WNT2: variants seen among roughly 807,000 people sequenced by gnomAD.
WNT2 encodes the protein protein Wnt-2.
In WNT2, 12 loss-of-function variants were observed where a neutral mutation model predicts 36.9. That is an observed-to-expected ratio of 0.33 (90% CI 0.21 to 0.53). WNT2 has a LOEUF of 0.53. Among genes scored for constraint, WNT2 ranks in the 20% least tolerant of loss-of-function variants. The pLI is 0.95. For missense variants in WNT2, 379 were observed against 473.1 expected, an observed-to-expected ratio of 0.80 and a Z score of 1.84; for synonymous variants, 163 against 174.6, an observed-to-expected ratio of 0.93 and a Z score of 0.52.
chr7:117,280,872 C>T (rs1285066569), intron 4 of WNT2, among the ~76,000 whole-genome samples: 4 of 152,176 alleles, frequency 2.6e-5, no homozygotes, highest in Non-Finnish European at 5.9e-5. Context: ...CTACTATGTG[C>T]TAGGCACAGT....
chr7:117,283,421 T>C (rs1794522942), intron 4 of WNT2, among the ~76,000 whole-genome samples: 1 of 152,266 alleles, frequency 6.6e-6, no homozygotes, highest in Non-Finnish European at 1.5e-5. Context: ...TTATCTGCCG[T>C]AGGGCTTTGG....
At chr7:117,316,558 T>C (rs945076798) in intron 2 of WNT2, among the ~76,000 whole-genome samples, 4 of 152,204 alleles carry the variant, frequency 2.6e-5, no homozygotes, top group Admixed American at 6.5e-5. Flanking sequence ...CCTTTTCACA[T>C]TGAAGCCCTG....
chr7:117,303,987 C>T (rs780683899), intron 3 of WNT2, among the ~76,000 whole-genome samples: 2 of 152,214 alleles, frequency 1.3e-5, no homozygotes, highest in African/African-American at 2.4e-5. Flanking sequence ...TCAGACCTAA[C>T]GTTATGCCCT....
intron 4 of WNT2, among the ~76,000 whole-genome samples, chr7:117,281,474 GCGATCCTCCTGCTTT>G (rs1794488260): frequency 2.6e-5 from 4 of 152,208 alleles, no homozygotes; most frequent in Middle Eastern, 3.4e-3. Context: ...CTGGGCTCAA[GCGATCCTCCTGCTTT>G]GACCCCCACC....
intron 2 of WNT2, among the ~76,000 whole-genome samples, chr7:117,319,531 G>GC (rs944560519): frequency 6.9e-6 from 1 of 145,636 alleles, no homozygotes; most frequent in African/African-American, 2.5e-5. Context: ...TTGGGGGGGG[G>GC]GGTAGGCAAA....
At chr7:117,318,154 GTTC>G (rs1245641809) in intron 2 of WNT2, among the ~76,000 whole-genome samples, 5 of 152,148 alleles carry the variant, frequency 3.3e-5, no homozygotes, top group Non-Finnish European at 7.4e-5. Flanking sequence ...GTAATTTTAT[GTTC>G]TTCTTATAAA....
intron 4 of WNT2, among the ~76,000 whole-genome samples, chr7:117,291,847 G>A (rs761158282): frequency 1.6e-4 from 24 of 151,176 alleles, no homozygotes; most frequent in African/African-American, 4.9e-4. Flanking sequence ...GTGTGATCTC[G>A]GCTCACCACA....
intron 2 of WNT2, among the ~76,000 whole-genome samples, chr7:117,317,344 C>T (rs939050766): frequency 2.6e-5 from 4 of 152,198 alleles, no homozygotes; most frequent in Non-Finnish European, 5.9e-5. Flanking sequence ...CAATCTGCTT[C>T]ATTTCAGAAA....
chr7:117,291,618 G>A (rs1480363563), intron 4 of WNT2, among the ~76,000 whole-genome samples: 1 of 152,152 alleles, frequency 6.6e-6, no homozygotes, highest in Non-Finnish European at 1.5e-5. Flanking sequence ...AACATCACAC[G>A]GTTGTACGTA....
rs1428525261 is a variant in WNT2, at chr7:117,284,770, C to A, written c.854-6386G>T. On this transcript the variant is annotated intron_variant, in intron 4 of 4. Coordinates refer to ENST00000265441, the MANE Select transcript of WNT2 (RefSeq NM_003391.3). This position sits in a 1 kb window ranked among gnomAD's most constrained non-coding sequence, Gnocchi z 5.2. The stretch of plus-strand genomic sequence containing the variant: ...GGCCCCATGCTAAGCATTTTGCCTG[C>A]ATTGTCTAATTTAATTCTCATAAGC... 6.6e-6 allele frequency among the ~76,000 whole-genome samples: 1 copy of A among 152,218 alleles called. No individual in the cohort carries two copies. Among genetic ancestry groups the A allele is most frequent in the East Asian group, 1.9e-4 (1 of 5,200 alleles).
Position 117,297,733 on chromosome 7 carries a change from C to T in WNT2, c.732G>A (p.Val244=), listed in dbSNP as rs370867525. 29 of 1,614,014 alleles carry T rather than the reference C, an allele frequency of 1.8e-5. 1 individual carries two copies. In the African/African-American group the frequency reaches 3.1e-4, roughly 17 times the overall value. ...LWRKYNGAIQ[V]VMNQDGTGFT... is the part of the protein sequence containing the mutation. ...AACCTGTGCCATCCTGGTTCATGAC[C>T]ACCTGGATGGCCCCATTGTACTTCC... Residue 244 remains valine, a synonymous_variant, in exon 4 of 5, where the codon GTG becomes GTA. Coordinates refer to ENST00000265441, the MANE Select transcript of WNT2 (RefSeq NM_003391.3).
At position 117,301,246 on chromosome 7, in the gene WNT2, T is replaced by C. The variant is rs114756633; in HGVS notation, c.589-3370A>G. The stretch of plus-strand genomic sequence containing the variant: ...AACGCACAGCATGTTCAGTGCTCAA[T>C]TGCAGTTTGGGGCTACCTTCATCTC... On this transcript the variant is annotated intron_variant, in intron 3 of 4. Transcript: ENST00000265441. Among the ~76,000 whole-genome samples, 1,355 of 152,248 alleles carry C rather than the reference T, an allele frequency of 8.9e-3. 25 individuals carry two copies. Among genetic ancestry groups the C allele is most frequent in the African/African-American group, 0.026 (1,062 of 41,540 alleles).
In WNT2 at chr7:117,284,990, G is replaced by GT. The variant is rs1198056158; in HGVS notation, c.854-6607dup. On this transcript the variant is annotated intron_variant, in intron 4 of 4. Transcript: ENST00000265441. The surrounding 1 kb of genome is among the most constrained non-coding windows in gnomAD (Gnocchi z 5.2). ...ACCCTTTGCCGAGTGCCCAGTCCTGGTGCCCGGCCAGGCACCAGAAAGCAG... is the reference window on the plus strand; with the variant it reads ...ACCCTTTGCCGAGTGCCCAGTCCTGGTTGCCCGGCCAGGCACCAGAAAGCAG... Among the ~76,000 whole-genome samples the GT allele has an allele frequency of 1.3e-5, 2 of 152,208 alleles. No homozygotes were observed. Among genetic ancestry groups the GT allele is most frequent in the Non-Finnish European group, 2.9e-5 (2 of 68,036 alleles).
At chr7:117,298,988 A>G (rs1385338906) in intron 3 of WNT2, among the ~76,000 whole-genome samples, 1 of 152,158 alleles carries the variant, frequency 6.6e-6, no homozygotes, top group Admixed American at 6.5e-5. Flanking sequence ...TGGATGGGGT[A>G]CCCACTACAT....
intron 4 of WNT2, among the ~76,000 whole-genome samples, chr7:117,289,809 A>G (rs868250233): frequency 6.6e-6 from 1 of 152,184 alleles, no homozygotes. Context: ...GGCACATGCT[A>G]TGCTCAAAAG....
At chr7:117,300,555 T>C (rs1366024994) in intron 3 of WNT2, among the ~76,000 whole-genome samples, 1 of 152,050 alleles carries the variant, frequency 6.6e-6, no homozygotes, top group Non-Finnish European at 1.5e-5. Context: ...ATCCCAGCAC[T>C]TTGGGAGGCT....
intron 1 of WNT2, among the ~76,000 whole-genome samples, chr7:117,321,507 T>A (rs1228903374): frequency 6.6e-6 from 1 of 152,212 alleles, no homozygotes; most frequent in Non-Finnish European, 1.5e-5. Context: ...AACAAAAAAT[T>A]ACATCATCAT....
chr7:117,288,171 A>T (rs922869309), intron 4 of WNT2, among the ~76,000 whole-genome samples: 2 of 152,214 alleles, frequency 1.3e-5, no homozygotes, highest in Non-Finnish European at 2.9e-5. Flanking sequence ...GCACATTTTT[A>T]AATGATAGAA....
chr7:117,293,220 G>C (rs1794725992), intron 4 of WNT2, among the ~76,000 whole-genome samples: 1 of 152,130 alleles, frequency 6.6e-6, no homozygotes, highest in South Asian at 2.1e-4. Flanking sequence ...GAAAAAAGTA[G>C]ACCAGACCTG....
Sources: allele counts gnomAD v4.1 joint callset (sites outside exome capture counted in the v4.1 genomes callset), GRCh38; gene constraint gnomAD v4.1.1; non-coding constraint Gnocchi (gnomAD v3.1); transcripts MANE v1.5; gene names NCBI Gene and HGNC (gene_info 2026-07-23, HGNC 2026-07-21).